Variants in PEAK1 observed in about 807,000 individuals in gnomAD.
PEAK1 encodes inactive tyrosine-protein kinase PEAK1.
Under a neutral mutation model 124.7 loss-of-function variants are expected in PEAK1, and 54 were observed. That is an observed-to-expected ratio of 0.43 (90% CI 0.35 to 0.54). The LOEUF (loss-of-function observed/expected upper bound fraction) is 0.54. Among genes scored for constraint, PEAK1 ranks in the 20% least tolerant of loss-of-function variants. PEAK1 has a pLI of 0.01. For synonymous variants in PEAK1, 719 were observed against 760.0 expected, an observed-to-expected ratio of 0.95 and a Z score of 0.89; for missense variants, 2,046 against 2,134.5, an observed-to-expected ratio of 0.96 and a Z score of 0.82.
chr15:77,214,248 T>G (rs1218131355), intron 6 of PEAK1, among the ~76,000 whole-genome samples: 1 of 152,118 alleles, frequency 6.6e-6, no homozygotes, highest in Non-Finnish European at 1.5e-5. Flanking sequence ...TTCATTTCAG[T>G]TGGGTAAATA....
intron 2 of PEAK1, among the ~76,000 whole-genome samples, chr15:77,293,623 C>T (rs1478855186): frequency 6.6e-6 from 1 of 152,158 alleles, no homozygotes; most frequent in African/African-American, 2.4e-5. Flanking sequence ...TTTTCACACA[C>T]TTTTATTATA....
At chr15:77,269,437 T>C (rs2061913730) in intron 5 of PEAK1, among the ~76,000 whole-genome samples, 2 of 152,086 alleles carry the variant, frequency 1.3e-5, no homozygotes, top group Admixed American at 6.6e-5. Flanking sequence ...TACTACATAA[T>C]GATAAAAGGT....
At chr15:77,207,723 A>C (rs998592374) in intron 6 of PEAK1, among the ~76,000 whole-genome samples, 11 of 152,198 alleles carry the variant, frequency 7.2e-5, no homozygotes, top group Admixed American at 4.6e-4. Context: ...TAGGGCAGTG[A>C]AACTATTCTA....
At chr15:77,190,948 C>T (rs750116010) in intron 6 of PEAK1, among the ~76,000 whole-genome samples, 1 of 152,100 alleles carries the variant, frequency 6.6e-6, no homozygotes, top group Non-Finnish European at 1.5e-5. Context: ...TTTTTTTGTA[C>T]TTAACTTTCA....
intron 1 of PEAK1, among the ~76,000 whole-genome samples, chr15:77,395,763 A>G (rs1322336579): frequency 6.6e-6 from 1 of 152,178 alleles, no homozygotes; most frequent in East Asian, 1.9e-4. Flanking sequence ...CAGACAAACA[A>G]AAGTCAAACA....
At chr15:77,334,021 C>T in intron 2 of PEAK1, 2 of 543,934 alleles carry the variant, frequency 3.7e-6, no homozygotes, top group Non-Finnish European at 4.7e-6. Context: ...AGACTGAGTC[C>T]TGCTTATTAG....
intron 1 of PEAK1, chr15:77,401,731 T>C (rs138066532): frequency 5.1e-6 from 5 of 985,202 alleles, no homozygotes; most frequent in Non-Finnish European, 4.8e-6. Flanking sequence ...TTGGTATACA[T>C]TAAAGGTGCC....
intron 8 of PEAK1, among the ~76,000 whole-genome samples, chr15:77,146,281 T>C (rs1229762145): frequency 2.0e-5 from 3 of 152,266 alleles, no homozygotes; most frequent in East Asian, 1.9e-4. Flanking sequence ...AGGCCTACCA[T>C]AGTCAAATAT....
intron 6 of PEAK1, among the ~76,000 whole-genome samples, chr15:77,183,996 T>G (rs1485401878): frequency 1.3e-5 from 2 of 151,744 alleles, no homozygotes; most frequent in African/African-American, 4.8e-5. Context: ...CCTGGCTAAT[T>G]TTTCTATTTT....
chr15:77,417,626 T>C (rs1263135690), intron 1 of PEAK1: 1 of 985,262 alleles, frequency 1.0e-6, no homozygotes, highest in Non-Finnish European at 1.2e-6. Context: ...GTTTGGTTAC[T>C]AAATTACTTA....
chr15:77,165,748 G>A (rs962427793), intron 7 of PEAK1, among the ~76,000 whole-genome samples: 25 of 152,186 alleles, frequency 1.6e-4, no homozygotes, highest in Admixed American at 1.6e-3. Context: ...CACTGCACAA[G>A]CTGTGCATTT....
chr15:77,221,195 G>A (rs757592175), intron 6 of PEAK1, among the ~76,000 whole-genome samples: 12 of 152,050 alleles, frequency 7.9e-5, no homozygotes, highest in African/African-American at 1.7e-4. Context: ...CATTGCAGTC[G>A]TGAATGAGCC....
chr15:77,201,120 T>C (rs146730884), intron 6 of PEAK1, among the ~76,000 whole-genome samples: 3 of 152,230 alleles, frequency 2.0e-5, no homozygotes, highest in East Asian at 1.9e-4. Context: ...ACTAATGTTA[T>C]TGATTTCAGG....
chr15:77,408,099 A>T (rs890403744), intron 1 of PEAK1, among the ~76,000 whole-genome samples: 2 of 149,660 alleles, frequency 1.3e-5, no homozygotes, highest in Admixed American at 1.3e-4. Context: ...ATACACACAC[A>T]TATATACATA....
chr15:77,367,119 C>A (rs900760303), intron 1 of PEAK1, among the ~76,000 whole-genome samples: 3 of 152,010 alleles, frequency 2.0e-5, no homozygotes, highest in Non-Finnish European at 4.4e-5. Context: ...GGCGACCGGG[C>A]GAGACTCCAT....
At chr15:77,380,144 T>A (rs180680608) in intron 1 of PEAK1, among the ~76,000 whole-genome samples, 5 of 152,316 alleles carry the variant, frequency 3.3e-5, no homozygotes, top group African/African-American at 1.2e-4. Flanking sequence ...TTCAAGAATA[T>A]TTTCATTCCT....
At chr15:77,352,304 G>A (rs1178661082) in intron 2 of PEAK1, 1 of 985,234 alleles carries the variant, frequency 1.0e-6, no homozygotes, top group Non-Finnish European at 1.2e-6. Flanking sequence ...GCAGTGCAGA[G>A]GGCCAAATCG....
At chr15:77,340,610 G>C (rs2066470429) in intron 2 of PEAK1, among the ~76,000 whole-genome samples, 1 of 152,116 alleles carries the variant, frequency 6.6e-6, no homozygotes, top group South Asian at 2.1e-4. Flanking sequence ...ACAATATAAA[G>C]AGTGAACCAC....
intron 9 of PEAK1, among the ~76,000 whole-genome samples, chr15:77,128,371 C>T (rs2052566009): frequency 6.6e-6 from 1 of 152,182 alleles, no homozygotes; most frequent in African/African-American, 2.4e-5. Context: ...AAGAATGATC[C>T]TGAAAGTGAT....
Sources: gnomAD v4.1 joint callset for allele counts (sites outside exome capture counted in the v4.1 genomes callset) on GRCh38, gnomAD v4.1.1 for gene constraint, MANE v1.5 for transcripts, NCBI Gene and HGNC (gene_info 2026-07-23, HGNC 2026-07-21) for gene names.